The following DENND3 variants were observed in gnomAD, a reference collection of about 807,000 sequenced individuals.
DENND3 encodes DENN domain-containing protein 3.
Under a neutral mutation model 135.1 loss-of-function variants are expected in DENND3, and 88 were observed. That is an observed-to-expected ratio of 0.65 (90% CI 0.55 to 0.78). The LOEUF (loss-of-function observed/expected upper bound fraction) is 0.78. Among genes scored for constraint, DENND3 ranks in the 30% least tolerant of loss-of-function variants. DENND3 has a pLI of 0.00. For synonymous variants in DENND3, 693 were observed against 712.3 expected (o/e 0.97, Z 0.43); for missense variants, 1,392 against 1,688.4 (o/e 0.82, Z 3.08).
chr8:141,188,683 T>C (rs1569557040), intron 18 of DENND3: 2 of 317,742 alleles, frequency 6.3e-6, no homozygotes, highest in African/African-American at 2.2e-5. Flanking sequence ...AGAAAATGCA[T>C]GTGTGAGATG....
chr8:141,169,241 C>G (rs572340433), intron 13 of DENND3, among the ~76,000 whole-genome samples: 1 of 152,386 alleles, frequency 6.6e-6, no homozygotes, highest in African/African-American at 2.4e-5. Context: ...GGCAAGACCG[C>G]TGCAGCACCG....
chr8:141,167,025 A>G lies in DENND3; in HGVS notation c.1753+636A>G, dbSNP rs977881035. 3.3e-5 allele frequency among the ~76,000 whole-genome samples: 5 copies of G among 152,172 alleles called. No individual in the cohort carries two copies. The highest frequency in any genetic ancestry group is 1.2e-4 in the African/African-American group (5 of 41,450). ...GCTGTCTCGGGCCCAGGCAGCAAGT[A>G]CCATGTGGCTCCTCCTGATCACTGT... On this transcript the variant is annotated intron_variant, in intron 12 of 22. Transcript: ENST00000519811. This position sits in a 1 kb window ranked among gnomAD's most constrained non-coding sequence, Gnocchi z 4.1.
chr8:141,193,831 G>A (rs2154613620), intron 22 of DENND3: 2 of 609,530 alleles, frequency 3.3e-6, no homozygotes, highest in Admixed American at 2.9e-5. Flanking sequence ...CTTCCCCAGA[G>A]GCCCCTCGGC....
intron 8 of DENND3, chr8:141,158,060 G>A (rs1035897996): frequency 2.3e-5 from 28 of 1,201,628 alleles, no homozygotes; most frequent in East Asian, 1.2e-4. Flanking sequence ...GCGCCCAGTC[G>A]GAGAACTACC....
intron 22 of DENND3, chr8:141,193,588 G>A (rs1462073646): frequency 1.2e-5 from 2 of 167,056 alleles, no homozygotes; most frequent in African/African-American, 4.8e-5. Flanking sequence ...GCAAGTCGGA[G>A]ACACGGCGGG....
At chr8:141,179,986 A>C (rs1450115728) in intron 16 of DENND3, among the ~76,000 whole-genome samples, 1 of 152,130 alleles carries the variant, frequency 6.6e-6, no homozygotes, top group East Asian at 1.9e-4. Context: ...TCCGGGCAGC[A>C]ATGAGGAGCC....
chr8:141,183,485 G>A (rs1296930157), intron 17 of DENND3, among the ~76,000 whole-genome samples: 3 of 146,730 alleles, frequency 2.0e-5, no homozygotes, highest in African/African-American at 7.6e-5. Flanking sequence ...TTGAACTCCT[G>A]AGCTTGAGCA....
intron 18 of DENND3, among the ~76,000 whole-genome samples, chr8:141,187,239 A>G (rs541669911): frequency 1.3e-5 from 2 of 150,990 alleles, no homozygotes; most frequent in South Asian, 4.2e-4. Context: ...CTAAGTATAT[A>G]TTAGGCATTG....
rs533805283 is a variant in DENND3 at position 141,161,846 on chromosome 8, CCTGGAATGCAGTGACGCCATCTGGG to C, written c.1352+1062_1352+1086del. Among the ~76,000 whole-genome samples the C allele has an allele frequency of 8.7e-5, 13 of 148,882 alleles. No homozygotes were observed. The South Asian group carries it at 2.6e-3, about 29-fold the overall frequency. The stretch of plus-strand genomic sequence containing the variant: ...GATGGAGTCTCACTCTGTCACCCAG[CCTGGAATGCAGTGACGCCATCTGGG>C]CTCACTGCAACTGCCGCCTCCCAAG... On this transcript the variant is annotated intron_variant, in intron 9 of 22. Transcript: ENST00000519811.
chr8:141,150,294 G>A (rs927998161), intron 5 of DENND3: 46 of 1,280,652 alleles, frequency 3.6e-5, no homozygotes, highest in African/African-American at 6.1e-5. Flanking sequence ...AGGTCCAGCC[G>A]TGTCTCAGTA....
In DENND3 at chr8:141,139,254, C is replaced by T. The variant is rs1817163536; in HGVS notation, c.501+1117C>T. The stretch of plus-strand genomic sequence containing the variant: ...TTTTGTTGGTAGAAGCGTGCTTACA[C>T]ATGTGACATTGAGTGTTGGGAGGCG... On this transcript the variant is annotated intron_variant, in intron 3 of 22. Transcript: ENST00000519811. This position sits in a 1 kb window ranked among gnomAD's most constrained non-coding sequence, Gnocchi z 4.2. Among the ~76,000 whole-genome samples, 1 of 152,184 alleles carries T rather than the reference C, an allele frequency of 6.6e-6. No individual in the cohort carries two copies. Among genetic ancestry groups the T allele is most frequent in the Non-Finnish European group, 1.5e-5 (1 of 68,034 alleles).
Position 141,141,234 on chromosome 8 carries a change from A to C in DENND3, c.533A>C (p.His178Pro). 1 of 1,614,164 alleles carries C rather than the reference A, an allele frequency of 6.2e-7. No individual in the cohort carries two copies. The change falls in exon 4 of 23, where the codon CAC becomes CCC. Residue 178 changes from histidine (H) to proline (P), a missense_variant. Physicochemically the swap from His to Pro is moderately conservative, Grantham distance 77. Transcript: ENST00000519811. This position sits in a 1 kb window ranked among gnomAD's most constrained non-coding sequence, Gnocchi z 5.3. ...DEYCFYNGKT[H>P]RECPGCFVPF... The stretch of plus-strand genomic sequence containing the variant: ...TACTGTTTCTACAATGGCAAAACGC[A>C]CCGGGAGTGTCCTGGCTGCTTCGTG...
At chr8:141,192,984 G>C in intron 22 of DENND3, 2 of 1,086,640 alleles carry the variant, frequency 1.8e-6, no homozygotes, top group Non-Finnish European at 2.4e-6. Flanking sequence ...TTCCCTCGGG[G>C]GCTCGGGGGG....
rs546552578 is a variant in DENND3 at position 141,136,304 on chromosome 8, G to T, written c.103-205G>T. On this transcript the variant is annotated intron_variant, in intron 1 of 22. Transcript: ENST00000519811. ...CCACAGCTGAAGAGCCAGGCTCTGC[G>T]AGTCTACGTGGCTTCCCTGAACATA... is the stretch of plus-strand genomic sequence containing the variant. Among the ~76,000 whole-genome samples, 19 of 152,274 alleles carry T rather than the reference G, an allele frequency of 1.2e-4. 2 individuals are homozygous for T. The South Asian group carries it at 3.1e-3, about 25-fold the overall frequency.
chr8:141,157,759 CT>C (rs374868733), intron 8 of DENND3: 160,614 of 790,090 alleles, frequency 0.2, no homozygotes, highest in Non-Finnish European at 0.22. Context: ...AAAACTACCT[CT>C]TTTTTTTTTT....
Position 141,192,523 on chromosome 8 carries a change from CAGG to C in DENND3, c.3502_3504del (p.Glu1168del), listed in dbSNP as rs1824892219. On this transcript the variant is annotated splice_acceptor_variant and coding_sequence_variant, in exon 22 of 23. Transcript: ENST00000519811. LOFTEE classifies it high-confidence loss of function. ...ATAGCCCACACCGTGCCCTGCGTTTCAGGAGGAGCAGCTGTGGGCGGCCTGTGC... is the reference window on the plus strand; with the variant it reads ...ATAGCCCACACCGTGCCCTGCGTTTCAGGAGCAGCTGTGGGCGGCCTGTGC... 1.3e-6 allele frequency: 2 copies of C among 1,598,486 alleles called. No individual in the cohort carries two copies. Among genetic ancestry groups the C allele is most frequent in the Non-Finnish European group, 1.7e-6 (2 of 1,171,112 alleles).
rs1289067720 is a variant in DENND3 at position 141,154,560 on chromosome 8, T to A, written c.1075-1289T>A. 1.3e-5 allele frequency among the ~76,000 whole-genome samples: 2 copies of A among 151,962 alleles called. No homozygotes were observed. The highest frequency in any genetic ancestry group is 4.8e-5 in the African/African-American group (2 of 41,380). On this transcript the variant is annotated intron_variant, in intron 7 of 22. Coordinates refer to ENST00000519811, the MANE Select transcript of DENND3 (RefSeq NM_001352890.3). This position sits in a 1 kb window ranked among gnomAD's most constrained non-coding sequence, Gnocchi z 4.4. ...CAACAACATGTATTGGAATCTTTTTTTTTTCTTTTTTTTTTTTGTGAGATG... is the reference window on the plus strand; with the variant it reads ...CAACAACATGTATTGGAATCTTTTTATTTTCTTTTTTTTTTTTGTGAGATG...
At chr8:141,148,003 G>A (rs907996591) in intron 5 of DENND3, among the ~76,000 whole-genome samples, 3 of 152,202 alleles carry the variant, frequency 2.0e-5, no homozygotes, top group Non-Finnish European at 4.4e-5. Context: ...TAATGCTTGT[G>A]ATCTGTTTTA....
Position 141,142,766 on chromosome 8 carries a change from G to A in DENND3, c.624-1382G>A, listed in dbSNP as rs144679407. 1.1e-4 allele frequency: 18 copies of A among 167,238 alleles called. 1 individual carries two copies. The South Asian group carries it at 1.9e-3, about 18-fold the overall frequency. 10.4% of individuals were successfully genotyped at this position (167,238 alleles called of 1,614,324 possible). A position where few individuals can be genotyped will look rare whatever the true frequency, so the allele number is the denominator to read the frequency against. ...TCTTCATTACTTGAAGGTAAACAGC[G>A]TTTTCACTAATCTCTAGTTTCCTCT... On this transcript the variant is annotated intron_variant, in intron 4 of 22. Transcript: ENST00000519811.
Sources: allele counts gnomAD v4.1 joint callset (sites outside exome capture counted in the v4.1 genomes callset), GRCh38; gene constraint gnomAD v4.1.1; non-coding constraint Gnocchi (gnomAD v3.1); transcripts MANE v1.5; gene names NCBI Gene and HGNC (gene_info 2026-07-23, HGNC 2026-07-21).